Variants in APAF1 observed in about 807,000 individuals in gnomAD.
The protein encoded by APAF1 is apoptotic peptidase activating factor 1, also known as apoptotic protease-activating factor 1.
In APAF1, 91 loss-of-function variants were observed where a neutral mutation model predicts 152.4. The ratio of observed to expected loss-of-function variants is 0.60; its 90% CI spans 0.50 to 0.71. The LOEUF is 0.71. APAF1 is among the 30% of genes least tolerant of loss of function. The pLI, the probability that APAF1 is intolerant of heterozygous loss-of-function variation, is 0.00. For missense variants in APAF1, 1,283 were observed against 1,472.0 expected (o/e 0.87, Z 2.10); for synonymous variants, 484 against 494.1 (o/e 0.98, Z 0.27).
chr12:98,721,762 G>T (rs1369500824), intron 22 of APAF1, among the ~76,000 whole-genome samples: 1 of 152,120 alleles, frequency 6.6e-6, no homozygotes, highest in African/African-American at 2.4e-5. Context: ...TGAAAGCCAG[G>T]GCTTGTTGGG....
Position 98,699,474 on chromosome 12 carries a change from G to C in APAF1, c.2371G>C (p.Glu791Gln). The C allele has an allele frequency of 6.2e-7, 1 of 1,614,154 alleles. No homozygotes were observed. The highest frequency in any genetic ancestry group is 1.3e-5 in the African/African-American group (1 of 75,056). ...TGTGAAACAGTTCTTCCTAAATTTGGAGGACCCTCAAGAGGATATGGAAGT... is the reference window on the plus strand; with the variant it reads ...TGTGAAACAGTTCTTCCTAAATTTGCAGGACCCTCAAGAGGATATGGAAGT... ...INVKQFFLNL[E>Q]DPQEDMEVIV... The change falls in exon 17 of 27, where the codon GAG becomes CAG. Residue 791 changes from glutamate (E) to glutamine (Q), a missense_variant. Glu to Gln is a conservative substitution (Grantham distance 29). Transcript: ENST00000551964.
intron 16 of APAF1, among the ~76,000 whole-genome samples, chr12:98,691,819 G>A (rs1008031302): frequency 6.6e-6 from 1 of 151,294 alleles, no homozygotes; most frequent in Non-Finnish European, 1.5e-5. Context: ...TATTTTCCCT[G>A]ACCATTAAAA....
chr12:98,674,645 G>A (rs2097684666), intron 12 of APAF1, among the ~76,000 whole-genome samples: 1 of 152,124 alleles, frequency 6.6e-6, no homozygotes, highest in South Asian at 2.1e-4. Context: ...AACATACCCT[G>A]GCTCTAGACT....
chr12:98,721,224 C>T (rs1303427215), intron 22 of APAF1, among the ~76,000 whole-genome samples: 1 of 152,192 alleles, frequency 6.6e-6, no homozygotes, highest in Non-Finnish European at 1.5e-5. Flanking sequence ...CAGAAACCTT[C>T]TGTAACAAAA....
chr12:98,653,022 A>C (rs185807574), intron 4 of APAF1, among the ~76,000 whole-genome samples: 1 of 151,650 alleles, frequency 6.6e-6, no homozygotes, highest in African/African-American at 2.4e-5. Flanking sequence ...AGTCAAACTA[A>C]TCAGTTTTTT....
rs2097687790 is a variant in APAF1 at position 98,677,437 on chromosome 12, C to A, written c.1806C>A (p.Asn602Lys). The change falls in exon 13 of 27, where the codon AAC (asparagine) becomes AAA (lysine). Residue 602 changes from asparagine (N) to lysine (K), a missense_variant. Coordinates refer to ENST00000551964, the MANE Select transcript of APAF1 (RefSeq NM_181861.2). ...MLYLEWINKKNITNLSRLVVR... is the reference protein window; with the variant it reads ...MLYLEWINKKKITNLSRLVVR... ...TCCCTGTATTTAGAAACAAAAAAAACATCACGAATCTTTCCCGCTTAGTTG... is the reference window on the plus strand; with the variant it reads ...TCCCTGTATTTAGAAACAAAAAAAAAATCACGAATCTTTCCCGCTTAGTTG... 2 of 1,613,598 alleles carry A rather than the reference C, an allele frequency of 1.2e-6. No individual in the cohort carries two copies. The highest frequency in any genetic ancestry group is 2.2e-5 in the South Asian group (2 of 91,050).
chr12:98,699,410 T>A lies in APAF1; in HGVS notation c.2307T>A (p.Leu769=). The A allele has an allele frequency of 6.2e-7, 1 of 1,613,954 alleles. No homozygotes were observed. The highest frequency in any genetic ancestry group is 8.5e-7 in the Non-Finnish European group (1 of 1,179,958). ...TTTTTTATTACTTTAATTCAAAGCTTTGGGATGCGACATCAGCAAATGAGA... is the reference window on the plus strand; with the variant it reads ...TTTTTTATTACTTTAATTCAAAGCTATGGGATGCGACATCAGCAAATGAGA... ...ASCSADGTLK[L]WDATSANERK... Residue 769 remains leucine, a splice_region_variant and synonymous_variant, in exon 17 of 27, where the codon CTT becomes CTA. Coordinates refer to ENST00000551964, the MANE Select transcript of APAF1 (RefSeq NM_181861.2).
In APAF1 at chr12:98,723,234, C is replaced by A; in HGVS notation, c.3126C>A (p.Gly1042=). The change falls in exon 23 of 27, where the codon GGC becomes GGA. Residue 1042 remains glycine, a synonymous_variant. Transcript: ENST00000551964. ...TGGACAAATGTATCTTTCTACGAGG[C>A]CATCAGGAAACAGTGAAAGACTTTA... ...WQLDKCIFLR[G]HQETVKDFRL... 2 of 1,613,328 alleles carry A rather than the reference C, an allele frequency of 1.2e-6. No individual in the cohort carries two copies. The highest frequency in any genetic ancestry group is 2.2e-5 in the South Asian group (2 of 91,066).
intron 4 of APAF1, among the ~76,000 whole-genome samples, chr12:98,651,070 T>C (rs902303141): frequency 3.9e-5 from 6 of 152,168 alleles, no homozygotes; most frequent in Admixed American, 3.3e-4. Context: ...TTGGAACAGG[T>C]TTTAACTACT....
rs759683805 is a variant in APAF1 at position 98,699,476 on chromosome 12, G to GGACC, written c.2374_2377dup (p.Pro793ArgfsTer18). The GGACC allele has an allele frequency of 2.4e-5, 39 of 1,614,028 alleles. No individual in the cohort carries two copies. The highest frequency in any genetic ancestry group is 3.1e-5 in the Non-Finnish European group (36 of 1,180,006). On this transcript the variant is annotated frameshift_variant, in exon 17 of 27. Transcript: ENST00000551964. LOFTEE classifies it high-confidence loss of function. ...TGAAACAGTTCTTCCTAAATTTGGA[G>GGACC]GACCCTCAAGAGGATATGGAAGTGA...
At chr12:98,708,749 T>G in intron 20 of APAF1, 45 bp downstream of exon 20, 1 of 1,599,780 alleles carries the variant, frequency 6.3e-7, no homozygotes, top group Non-Finnish European at 8.5e-7. Context: ...TTTGGTTGAA[T>G]TTTCTATTCA....
rs1442339737 is a variant in APAF1, at chr12:98,733,861, T to C, written c.*1295T>C. The C allele has an allele frequency of 2.6e-5, 4 of 152,234 alleles. No individual in the cohort carries two copies. The highest frequency in any genetic ancestry group is 9.6e-5 in the African/African-American group (4 of 41,458). 9.4% of individuals were successfully genotyped at this position (152,234 alleles called of 1,614,324 possible). On this transcript the variant is annotated 3_prime_UTR_variant, in exon 27 of 27. Coordinates refer to ENST00000551964, the MANE Select transcript of APAF1 (RefSeq NM_181861.2). ...TGGACTCTAGTTGTCAGTATCTGAGTTGGACACTATTCCTGCTCCCTCTTG... is the reference window on the plus strand; with the variant it reads ...TGGACTCTAGTTGTCAGTATCTGAGCTGGACACTATTCCTGCTCCCTCTTG...
rs778991920 is a variant in APAF1, at chr12:98,728,010, G to GA, written c.3600+703dup. ...TTAAAAAAATAAATAAAAAGGAAAA[G>GA]AAAAAAAAAGGCAGTTACTATTATC... is the stretch of plus-strand genomic sequence containing the variant. On this transcript the variant is annotated intron_variant, in intron 26 of 26. Transcript: ENST00000551964. Among the ~76,000 whole-genome samples the GA allele has an allele frequency of 3.4e-3, 512 of 149,508 alleles. 1 individual carries two copies. Among genetic ancestry groups the GA allele is most frequent in the African/African-American group, 0.01 (420 of 40,908 alleles).
At chr12:98,696,031 C>T (rs756846991) in intron 16 of APAF1, among the ~76,000 whole-genome samples, 4 of 152,190 alleles carry the variant, frequency 2.6e-5, no homozygotes, top group Non-Finnish European at 5.9e-5. Flanking sequence ...CATTTTCCTT[C>T]GCCTTGTGGA....
At chr12:98,677,634 C>T (rs753677497) in intron 13 of APAF1, 83 bp downstream of exon 13, 48 of 1,560,584 alleles carry the variant, frequency 3.1e-5, no homozygotes, top group Middle Eastern at 1.7e-4. Flanking sequence ...TCCTAAAATT[C>T]AAGAAAATTG....
intron 21 of APAF1, among the ~76,000 whole-genome samples, 175 bp from the exon 22 acceptor site, chr12:98,715,237 TATATATATATATATA>T (rs1565890500): frequency 2.0e-4 from 1 of 5,088 alleles, no homozygotes; most frequent in East Asian, 0.011. Context: ...ATGGTGTGCA[TATATATATATATATA>T]TATATATATA....
At chr12:98,716,317 G>A (rs2097734698) in intron 22 of APAF1, among the ~76,000 whole-genome samples, 1 of 152,140 alleles carries the variant, frequency 6.6e-6, no homozygotes, top group Non-Finnish European at 1.5e-5. Flanking sequence ...GCATGCACAC[G>A]TTCACAGACA....
At chr12:98,649,315 T>C (rs549298256) in intron 3 of APAF1, 172 bp from the exon 4 acceptor site, 13 of 841,146 alleles carry the variant, frequency 1.5e-5, no homozygotes, top group Non-Finnish European at 1.9e-5. Context: ...GTCTTTGCTC[T>C]CTGTTGTCTG....
At position 98,732,682 on chromosome 12, in the gene APAF1, T is replaced by A; in HGVS notation, c.*116T>A. On this transcript the variant is annotated 3_prime_UTR_variant, in exon 27 of 27. Coordinates refer to ENST00000551964, the MANE Select transcript of APAF1 (RefSeq NM_181861.2). ...TCTTAATTGTTGTGCAGTATTGCAT[T>A]CATTACAAAAGTGTTTGTGGTTGGA... 1 of 706,380 alleles carries A rather than the reference T, an allele frequency of 1.4e-6. No homozygotes were observed. The allele number at this position is 706,380 out of a possible 1,614,324, so 43.8% of individuals were successfully genotyped here.
Sources: allele counts gnomAD v4.1 joint callset (sites outside exome capture counted in the v4.1 genomes callset), GRCh38; gene constraint gnomAD v4.1.1; transcripts MANE v1.5; gene names NCBI Gene and HGNC (gene_info 2026-07-23, HGNC 2026-07-21).